The following NTN1 variants were observed in gnomAD, a reference collection of about 807,000 sequenced individuals.
NTN1 encodes the protein netrin 1.
NTN1 carries 11 observed loss-of-function variants against 54.2 expected under a neutral mutation model. That is an observed-to-expected ratio of 0.20 (90% CI 0.13 to 0.34). NTN1 has a LOEUF of 0.34. Among genes scored for constraint, NTN1 ranks in the 10% least tolerant of loss-of-function variants. The pLI, the probability that NTN1 is intolerant of heterozygous loss-of-function variation, is 1.00. For synonymous variants in NTN1, 371 were observed against 382.0 expected (o/e 0.97, Z 0.33); for missense variants, 740 against 893.1 (o/e 0.83, Z 2.18).
At chr17:9,183,216 TA>T (rs1277431760) in intron 5 of NTN1, 1 of 686,560 alleles carries the variant, frequency 1.5e-6, no homozygotes, top group Non-Finnish European at 2.7e-6. Context: ...CCTGGAACCC[TA>T]AAAACTGAGC....
rs78132995 is a variant in NTN1, at chr17:9,174,880, A to T, written c.1208-4927A>T. 285 of 153,310 alleles carry T rather than the reference A, an allele frequency of 1.9e-3. 3 individuals are homozygous for T. The East Asian group carries it at 0.047, about 25-fold the overall frequency. The allele number at this position is 153,310 out of a possible 1,614,324, so 9.5% of individuals were successfully genotyped here. On this transcript the variant is annotated intron_variant, in intron 3 of 6. Coordinates refer to ENST00000173229, the MANE Select transcript of NTN1 (RefSeq NM_004822.3). ...TGGGTGGTGGCTGTGGTGGTGTCTG[A>T]AGTGAGGGTGGGGCTGTGGCTGTTC... is the stretch of plus-strand genomic sequence containing the variant.
At chr17:9,144,343 C>T (rs2092307104) in intron 2 of NTN1, among the ~76,000 whole-genome samples, 2 of 152,058 alleles carry the variant, frequency 1.3e-5, no homozygotes, top group Admixed American at 1.3e-4. Flanking sequence ...AACTACTGTT[C>T]CCCTGGGTCA....
At chr17:9,037,613 C>A (rs1018792661) in intron 2 of NTN1, among the ~76,000 whole-genome samples, 2 of 152,152 alleles carry the variant, frequency 1.3e-5, no homozygotes, top group African/African-American at 4.8e-5. Context: ...CCTTCCCAGG[C>A]CTGGGGTTTA....
At chr17:9,101,404 A>C (rs1413311351) in intron 2 of NTN1, among the ~76,000 whole-genome samples, 2 of 152,202 alleles carry the variant, frequency 1.3e-5, no homozygotes, top group Non-Finnish European at 2.9e-5. Flanking sequence ...CCCAAAGAGA[A>C]ACTTGTTGTT....
In NTN1 at chr17:9,221,160, C is replaced by A. The variant is rs749445333; in HGVS notation, c.1412-8C>A. The A allele has an allele frequency of 3.2e-6, 5 of 1,586,716 alleles. No individual in the cohort carries two copies. In the East Asian group the frequency reaches 8.9e-5, roughly 28 times the overall value. On this transcript the variant is annotated splice_polypyrimidine_tract_variant and splice_region_variant and intron_variant, in intron 5 of 6. Coordinates refer to ENST00000173229, the MANE Select transcript of NTN1 (RefSeq NM_004822.3). The surrounding 1 kb of genome is among the most constrained non-coding windows in gnomAD (Gnocchi z 4.5). ...TTTTGTCTGTGCTCCCCCCCCACCC[C>A]CCTGCAGACTGCGATTCCTACTGCA...
chr17:9,108,582 A>G (rs2092177277), intron 2 of NTN1, among the ~76,000 whole-genome samples: 1 of 152,218 alleles, frequency 6.6e-6, no homozygotes, highest in Non-Finnish European at 1.5e-5. Context: ...AACTTAAAAC[A>G]TTATTCAGTA....
In NTN1 at chr17:9,023,004, C is replaced by A. The variant is rs34079256; in HGVS notation, c.631C>A (p.Arg211Ser). Residue 211 changes from arginine to serine, a missense_variant, in exon 2 of 7, where the codon CGC becomes AGC. By Grantham distance (110) the Arg-to-Ser change is moderately radical (BLOSUM62 -1). Coordinates refer to ENST00000173229, the MANE Select transcript of NTN1 (RefSeq NM_004822.3). ...AVCTDSHTDMRPLSGGLIAFS... is the reference protein window; with the variant it reads ...AVCTDSHTDMSPLSGGLIAFS... ...GTGCACCGACTCGCACACCGACATG[C>A]GCCCGCTCTCGGGCGGCCTCATCGC... is the stretch of plus-strand genomic sequence containing the variant. The A allele has an allele frequency of 1.7e-4, 273 of 1,607,052 alleles. 1 individual carries two copies. The African/African-American group carries it at 3.4e-3, about 20-fold the overall frequency.
At chr17:9,134,207 T>C (rs991817616) in intron 2 of NTN1, among the ~76,000 whole-genome samples, 3 of 152,088 alleles carry the variant, frequency 2.0e-5, no homozygotes, top group East Asian at 1.9e-4. Flanking sequence ...CTGGCCCTCA[T>C]TGAATGTTTA....
At chr17:9,079,886 C>T (rs2092064909) in intron 2 of NTN1, among the ~76,000 whole-genome samples, 1 of 151,836 alleles carries the variant, frequency 6.6e-6, no homozygotes, top group African/African-American at 2.4e-5. Flanking sequence ...AGTGGTTCCT[C>T]AGCAGGCTTG....
intron 2 of NTN1, among the ~76,000 whole-genome samples, chr17:9,079,703 T>C (rs1304409318): frequency 6.6e-6 from 1 of 151,000 alleles, no homozygotes; most frequent in Non-Finnish European, 1.5e-5. Context: ...CCCTGGGAAG[T>C]GGTTCCTCAG....
chr17:9,183,473 G>A (rs765179857), intron 5 of NTN1: 7 of 382,134 alleles, frequency 1.8e-5, no homozygotes, highest in Non-Finnish European at 3.7e-5. Flanking sequence ...AAGAGAGGCC[G>A]CAGACCGCAG....
chr17:9,185,289 A>G (rs184434890), intron 5 of NTN1, among the ~76,000 whole-genome samples: 74 of 152,294 alleles, frequency 4.9e-4, no homozygotes, highest in Admixed American at 2.6e-3. Flanking sequence ...GCAGGAGGCC[A>G]GGAGGGCCCC....
intron 5 of NTN1, among the ~76,000 whole-genome samples, chr17:9,202,394 T>C (rs1904825081): frequency 6.6e-6 from 1 of 152,162 alleles, no homozygotes; most frequent in Non-Finnish European, 1.5e-5. Flanking sequence ...GGGCTCTTTG[T>C]GAGGGCAGCT....
Position 9,162,953 on chromosome 17 carries a change from T to C in NTN1, c.1159T>C (p.Tyr387His). ...GRHCHYCKEG[Y>H]YRDMGKPITH... Reference sequence around the variant, plus strand: ...CCACTGCCATTACTGCAAGGAGGGCTACTACCGCGACATGGGCAAGCCCAT... The same window carrying C: ...CCACTGCCATTACTGCAAGGAGGGCCACTACCGCGACATGGGCAAGCCCAT... Residue 387 changes from tyrosine (Y) to histidine (H), a missense_variant, in exon 3 of 7, where the codon TAC (tyrosine) becomes CAC (histidine). Physicochemically the swap from Tyr to His is moderately conservative, Grantham distance 83. Coordinates refer to ENST00000173229, the MANE Select transcript of NTN1 (RefSeq NM_004822.3). 6.2e-7 allele frequency: 1 copy of C among 1,613,774 alleles called. No individual in the cohort carries two copies. The highest frequency in any genetic ancestry group is 8.5e-7 in the Non-Finnish European group (1 of 1,179,864).
At chr17:9,005,831 C>T in the NTN1 span, among the ~76,000 whole-genome samples, 2 of 152,230 alleles carry the variant, frequency 1.3e-5, no homozygotes, top group Non-Finnish European at 2.9e-5. Context: ...GAGTGCACCG[C>T]AGGCTGCCTG....
chr17:9,029,399 C>CA (rs1233100208), intron 2 of NTN1, among the ~76,000 whole-genome samples: 1 of 152,158 alleles, frequency 6.6e-6, no homozygotes, highest in Non-Finnish European at 1.5e-5. Flanking sequence ...TATTCTGTGA[C>CA]ACTGTTGCAT....
upstream of NTN1, among the ~76,000 whole-genome samples, chr17:9,020,743 T>C (rs1412910421): frequency 6.6e-6 from 1 of 152,186 alleles, no homozygotes; most frequent in Non-Finnish European, 1.5e-5. Context: ...GCTGTCCCCA[T>C]GCCTGAGACC....
At chr17:9,045,416 G>A (rs888611990) in intron 2 of NTN1, among the ~76,000 whole-genome samples, 3 of 152,218 alleles carry the variant, frequency 2.0e-5, no homozygotes, top group South Asian at 2.1e-4. Context: ...ACCCCCGGGA[G>A]CTCTCAGCTC....
chr17:9,147,940 T>C (rs2142286140), intron 2 of NTN1, among the ~76,000 whole-genome samples: 1 of 152,336 alleles, frequency 6.6e-6, no homozygotes, highest in African/African-American at 2.4e-5. Flanking sequence ...GAAAATGGCT[T>C]TGTTTGGGTA....
Sources: gnomAD v4.1 joint callset for allele counts (sites outside exome capture counted in the v4.1 genomes callset) on GRCh38, gnomAD v4.1.1 for gene constraint, Gnocchi (gnomAD v3.1) non-coding constraint, MANE v1.5 for transcripts, NCBI Gene and HGNC (gene_info 2026-07-23, HGNC 2026-07-21) for gene names.